ATP2C1: variants seen among roughly 807,000 people sequenced by gnomAD.
The protein encoded by ATP2C1 is calcium-transporting ATPase type 2C member 1.
A neutral mutation model predicts 120.5 loss-of-function variants in ATP2C1; 31 were observed. That is an observed-to-expected ratio of 0.26 (90% confidence interval 0.19 to 0.35). The LOEUF (loss-of-function observed/expected upper bound fraction) is 0.35. ATP2C1 is among the 10% of genes least tolerant of loss of function. The pLI is 1.00. For synonymous variants in ATP2C1, 351 were observed against 358.7 expected, an observed-to-expected ratio of 0.98 and a Z score of 0.24; for missense variants, 731 against 1,107.5, an observed-to-expected ratio of 0.66 and a Z score of 4.83.
upstream of ATP2C1, among the ~76,000 whole-genome samples, chr3:130,890,936 C>T (rs1028920435): frequency 6.6e-6 from 1 of 152,132 alleles, no homozygotes; most frequent in Non-Finnish European, 1.5e-5. Flanking sequence ...CTTTGCCAGG[C>T]ATGGTGGTTC....
chr3:130,895,659 A>T (rs1385134708), intron 2 of ATP2C1, among the ~76,000 whole-genome samples: 1 of 152,190 alleles, frequency 6.6e-6, no homozygotes, highest in African/African-American at 2.4e-5. Flanking sequence ...AATTTGTTTT[A>T]AAAAATATGT....
chr3:130,953,030 T>C (rs1394198070), intron 8 of ATP2C1, among the ~76,000 whole-genome samples: 1 of 152,212 alleles, frequency 6.6e-6, no homozygotes, highest in Non-Finnish European at 1.5e-5. Context: ...GTTTAACTCT[T>C]AACTATTTCT....
In ATP2C1 at chr3:130,999,508, C is replaced by G; in HGVS notation, c.2488-10C>G. 1 of 1,613,414 alleles carries G rather than the reference C, an allele frequency of 6.2e-7. No homozygotes were observed. The highest frequency in any genetic ancestry group is 8.5e-7 in the Non-Finnish European group (1 of 1,179,606). On this transcript the variant is annotated splice_polypyrimidine_tract_variant and intron_variant, in intron 26 of 27. Coordinates refer to ENST00000510168, the MANE Select transcript of ATP2C1 (RefSeq NM_001378687.1). The stretch of plus-strand genomic sequence containing the variant: ...AGGAGTAATAAATGAACTCTCTGCT[C>G]TGCCAACAGACCAAGTCTGTGTTTG...
chr3:130,918,794 A>G, intron 2 of ATP2C1: 1 of 360,694 alleles, frequency 2.8e-6, no homozygotes, highest in Non-Finnish European at 5.4e-6. Context: ...GATCGAGACC[A>G]TCCTGGCTAA....
Position 130,894,120 on chromosome 3 carries a change from CGTGACGGG to C in ATP2C1, c.-397_-390del. 1 of 968,228 alleles carries C rather than the reference CGTGACGGG, an allele frequency of 1.0e-6. No individual in the cohort carries two copies. The highest frequency in any genetic ancestry group is 1.8e-5 in the African/African-American group (1 of 56,976). The allele number at this position is 968,228 out of a possible 1,614,324, so 60.0% of individuals were successfully genotyped here. ...GCCTCGCGGAGCCGGCCCGGCGGAC[CGTGACGGG>C]TCCCCTCACCTCCTCTTCTCTCCCC... On this transcript the variant is annotated 5_prime_UTR_variant, in exon 1 of 28. Coordinates refer to ENST00000510168, the MANE Select transcript of ATP2C1 (RefSeq NM_001378687.1). This position sits in a 1 kb window ranked among gnomAD's most constrained non-coding sequence, Gnocchi z 4.5.
intron 1 of ATP2C1, chr3:130,868,422 TG>T (rs1162523206): frequency 3.4e-5 from 2 of 59,312 alleles, no homozygotes; most frequent in Non-Finnish European, 6.7e-5. Context: ...GGGAGGGAGG[TG>T]GGGGGTCAGC....
chr3:131,011,512 A>G (rs2063316027), intron 26 of ATP2C1, among the ~76,000 whole-genome samples: 1 of 152,232 alleles, frequency 6.6e-6, no homozygotes, highest in African/African-American at 2.4e-5. Flanking sequence ...ATAGGAAACT[A>G]GATTTTGGAA....
chr3:130,888,499 G>T (rs774284141), intron 1 of ATP2C1, among the ~76,000 whole-genome samples: 1 of 152,216 alleles, frequency 6.6e-6, no homozygotes, highest in Non-Finnish European at 1.5e-5. Context: ...AAAAACTCAA[G>T]TTCTGACAAT....
intron 1 of ATP2C1, among the ~76,000 whole-genome samples, chr3:130,881,853 T>C (rs568702683): frequency 1.3e-5 from 2 of 152,358 alleles, no homozygotes; most frequent in South Asian, 4.1e-4. Flanking sequence ...CTTTTTCATA[T>C]TGTACTCTGT....
In ATP2C1 at chr3:130,967,153, A is replaced by C. The variant is rs970929764; in HGVS notation, c.1131A>C (p.Gly377=). ...TSDGLHAEVT[G]VGYNQFGEVI... is the part of the protein sequence containing the mutation. ...CACTTTGTGATCTTTAGGTTACTGGAGTTGGCTATAATCAATTTGGGGAAG... is the reference window on the plus strand; with the variant it reads ...CACTTTGTGATCTTTAGGTTACTGGCGTTGGCTATAATCAATTTGGGGAAG... Residue 377 remains glycine (G), a synonymous_variant, in exon 15 of 28, where the codon GGA becomes GGC. Coordinates refer to ENST00000510168, the MANE Select transcript of ATP2C1 (RefSeq NM_001378687.1). The C allele has an allele frequency of 6.2e-7, 1 of 1,612,580 alleles. No individual in the cohort carries two copies.
intron 16 of ATP2C1, among the ~76,000 whole-genome samples, chr3:130,968,640 G>A (rs1463785025): frequency 1.3e-5 from 2 of 152,198 alleles, no homozygotes; most frequent in Non-Finnish European, 2.9e-5. Flanking sequence ...GACGCTGTAT[G>A]TGGTGGGTTT....
chr3:130,956,108 CA>C lies in ATP2C1; in HGVS notation c.766del (p.Thr256ProfsTer10). ...VFKMMQAEEA[P>X]KTPLQKSMDL... ...ACTCTTCTTCAATTTATCAAGGCAC[CA>C]AAAACCCCTCTGCAGAAGAGCATGG... is the stretch of plus-strand genomic sequence containing the variant. On this transcript the variant is annotated frameshift_variant, in exon 11 of 28. Coordinates refer to ENST00000510168, the MANE Select transcript of ATP2C1 (RefSeq NM_001378687.1). LOFTEE classifies it high-confidence loss of function. 2.5e-6 allele frequency: 4 copies of C among 1,607,614 alleles called. No individual in the cohort carries two copies. Among genetic ancestry groups the C allele is most frequent in the South Asian group, 1.1e-5 (1 of 90,932 alleles).
intron 3 of ATP2C1, among the ~76,000 whole-genome samples, chr3:130,931,227 T>G (rs941143756): frequency 7.2e-5 from 11 of 152,082 alleles, no homozygotes; most frequent in Admixed American, 1.3e-4. Context: ...TTGGACTCTA[T>G]TATAATAACC....
chr3:130,894,840 G>A lies in ATP2C1; in HGVS notation c.6+65G>A. The A allele has an allele frequency of 8.8e-6, 13 of 1,484,058 alleles. No homozygotes were observed. The highest frequency in any genetic ancestry group is 1.7e-5 in the Admixed American group (1 of 59,836). The allele number at this position is 1,484,058 out of a possible 1,614,324, so 91.9% of individuals were successfully genotyped here. A position where few individuals can be genotyped will look rare whatever the true frequency, so the allele number is the denominator to read the frequency against. ...GGGTGTGGTGGTTTGCTTTTAAGTTGTCTTTGTTTTTCCACCTTTTTATTT... is the reference window on the plus strand; with the variant it reads ...GGGTGTGGTGGTTTGCTTTTAAGTTATCTTTGTTTTTCCACCTTTTTATTT... On this transcript the variant is annotated intron_variant, in intron 2 of 27. Coordinates refer to ENST00000510168, the MANE Select transcript of ATP2C1 (RefSeq NM_001378687.1). The surrounding 1 kb of genome is among the most constrained non-coding windows in gnomAD (Gnocchi z 4.5).
chr3:130,879,272 T>G (rs2068706893), intron 1 of ATP2C1, among the ~76,000 whole-genome samples: 1 of 152,204 alleles, frequency 6.6e-6, no homozygotes, highest in South Asian at 2.1e-4. Flanking sequence ...TTTCTCCATG[T>G]TGGCCAGGCT....
intron 4 of ATP2C1, among the ~76,000 whole-genome samples, chr3:130,933,020 C>G (rs929454672): frequency 1.1e-4 from 16 of 152,116 alleles, no homozygotes; most frequent in Admixed American, 7.9e-4. Flanking sequence ...TTCATACTTA[C>G]CACATTCCCA....
At chr3:130,949,345 A>G (rs1356900678) in intron 8 of ATP2C1, among the ~76,000 whole-genome samples, 1 of 152,194 alleles carries the variant, frequency 6.6e-6, no homozygotes, top group African/African-American at 2.4e-5. Flanking sequence ...AAAAGCAGCC[A>G]CAATATTTCC....
intron 1 of ATP2C1, among the ~76,000 whole-genome samples, chr3:130,851,840 A>G (rs1257547193): frequency 6.6e-6 from 1 of 152,224 alleles, no homozygotes; most frequent in Non-Finnish European, 1.5e-5. Context: ...AAAACTATGC[A>G]GGAGATATCA....
chr3:131,008,458 TG>T (rs2063199765), intron 26 of ATP2C1, among the ~76,000 whole-genome samples: 1 of 150,364 alleles, frequency 6.7e-6, no homozygotes, highest in Non-Finnish European at 1.5e-5. Context: ...AAAGAAAAAC[TG>T]TGCCATGCTG....
Sources: allele counts gnomAD v4.1 joint callset (sites outside exome capture counted in the v4.1 genomes callset), GRCh38; gene constraint gnomAD v4.1.1; non-coding constraint Gnocchi (gnomAD v3.1); transcripts MANE v1.5; gene names NCBI Gene and HGNC (gene_info 2026-07-23, HGNC 2026-07-21).